The following DAB1 variants were observed in gnomAD, a reference collection of about 807,000 sequenced individuals.
The protein encoded by DAB1 is disabled homolog 1.
DAB1 carries 15 observed loss-of-function variants against 64.6 expected under a neutral mutation model. That is an observed-to-expected ratio of 0.23 (90% CI 0.16 to 0.36). DAB1 has a LOEUF of 0.36. Ranked by LOEUF, DAB1 falls within the 10% of genes least tolerant of loss-of-function variation. The pLI, the probability that DAB1 is intolerant of heterozygous loss-of-function variation, is 1.00. For synonymous variants in DAB1, 235 were observed against 251.9 expected, an observed-to-expected ratio of 0.93 and a Z score of 0.64; for missense variants, 596 against 706.7, an observed-to-expected ratio of 0.84 and a Z score of 1.78.
At chr1:57,347,532 A>G (rs1485584674) in intron 1 of DAB1, among the ~76,000 whole-genome samples, 1 of 152,156 alleles carries the variant, frequency 6.6e-6, no homozygotes, top group Non-Finnish European at 1.5e-5. Context: ...TATTCCAATG[A>G]TCCACTTTGG....
chr1:58,399,024 T>C (rs931485263), intron 3 of DAB1, among the ~76,000 whole-genome samples: 3 of 152,188 alleles, frequency 2.0e-5, no homozygotes, highest in Non-Finnish European at 2.9e-5. Flanking sequence ...CCACCACGGA[T>C]TGGGCTACAA....
At chr1:58,217,147 CA>C (rs1184559194) in intron 4 of DAB1, among the ~76,000 whole-genome samples, 1 of 152,158 alleles carries the variant, frequency 6.6e-6, no homozygotes, top group Non-Finnish European at 1.5e-5. Context: ...ATTAATTCCC[CA>C]AATAGCCCCA....
At chr1:58,541,634 A>AAAAAAAAAAAAAAAC (rs1646620911) in intron 1 of DAB1, 2 of 148,762 alleles carry the variant, frequency 1.3e-5, no homozygotes, top group Admixed American at 6.7e-5. Flanking sequence ...AAAAAAAAAA[A>AAAAAAAAAAAAAAAC]AAAAAAACCA....
At chr1:58,207,000 C>G (rs1041865787) in intron 4 of DAB1, among the ~76,000 whole-genome samples, 1 of 152,180 alleles carries the variant, frequency 6.6e-6, no homozygotes, top group East Asian at 1.9e-4. Context: ...CACATGAGAA[C>G]AAGCCTGGAC....
intron 4 of DAB1, among the ~76,000 whole-genome samples, chr1:58,187,139 G>A (rs1417716902): frequency 1.3e-5 from 2 of 152,050 alleles, no homozygotes; most frequent in African/African-American, 4.8e-5. Flanking sequence ...CATAGTCAGT[G>A]ATGGTGATGA....
At chr1:57,171,915 C>G (rs943046186) in intron 2 of DAB1, among the ~76,000 whole-genome samples, 2 of 152,190 alleles carry the variant, frequency 1.3e-5, no homozygotes, top group Non-Finnish European at 2.9e-5. Context: ...TGGCTTAAAA[C>G]ATCAGAAATG....
rs533680349 is a variant in DAB1, at chr1:58,024,283, A to G, written n.387+126228T>C. ...AATGAACTAATGCCATACAGTGGAA[A>G]GATCACAAAAGAAGCTCGGGGTTTG... On this transcript the variant is annotated intron_variant and non_coding_transcript_variant, in intron 5 of 20. Transcript: ENST00000485760. Among the ~76,000 whole-genome samples, 136 of 152,326 alleles carry G rather than the reference A, an allele frequency of 8.9e-4. 1 individual carries two copies. The highest frequency in any genetic ancestry group is 2.8e-3 in the African/African-American group (118 of 41,588).
At chr1:57,282,451 G>A (rs1404585004) in intron 2 of DAB1, among the ~76,000 whole-genome samples, 1 of 152,124 alleles carries the variant, frequency 6.6e-6, no homozygotes, top group African/African-American at 2.4e-5. Context: ...TACAGTACAA[G>A]TTCAAGGAGG....
intron 1 of DAB1, among the ~76,000 whole-genome samples, chr1:57,378,906 T>C (rs766420084): frequency 2.8e-4 from 43 of 152,294 alleles, no homozygotes; most frequent in Middle Eastern, 3.4e-3. Flanking sequence ...CTCCAAACAT[T>C]TCCTACCTTT....
intron 3 of DAB1, among the ~76,000 whole-genome samples, chr1:58,421,047 C>A (rs528069422): frequency 6.6e-6 from 1 of 152,264 alleles, no homozygotes; most frequent in African/African-American, 2.4e-5. Flanking sequence ...CTCTTATTTC[C>A]AGATCACACA....
At chr1:57,879,153 T>A (rs899218901) in intron 1 of DAB1, among the ~76,000 whole-genome samples, 4 of 152,168 alleles carry the variant, frequency 2.6e-5, no homozygotes, top group Non-Finnish European at 1.5e-5. Context: ...CATCTCTTCA[T>A]CTATGTCATT....
chr1:58,424,102 G>T (rs1206878969), intron 3 of DAB1, among the ~76,000 whole-genome samples: 1 of 152,174 alleles, frequency 6.6e-6, no homozygotes, highest in Non-Finnish European at 1.5e-5. Flanking sequence ...GAAGGGGGAG[G>T]GAGAGGCCTT....
chr1:58,045,321 C>T (rs1354238582), intron 5 of DAB1, among the ~76,000 whole-genome samples: 1 of 152,180 alleles, frequency 6.6e-6, no homozygotes, highest in Non-Finnish European at 1.5e-5. Flanking sequence ...TACTGCCATA[C>T]CGAGGGGGTA....
intron 6 of DAB1, among the ~76,000 whole-genome samples, chr1:57,720,647 G>A (rs973784320): frequency 3.3e-5 from 5 of 152,220 alleles, no homozygotes; most frequent in African/African-American, 1.2e-4. Context: ...GTGTTGTAGT[G>A]AGGCATAAGA....
chr1:57,417,934 C>T (rs1034991033), intron 1 of DAB1, among the ~76,000 whole-genome samples: 2 of 152,276 alleles, frequency 1.3e-5, no homozygotes, highest in East Asian at 3.9e-4. Flanking sequence ...CCTTCAAGAC[C>T]TAGGTGAAAT....
At chr1:57,249,219 A>C (rs76948157) in intron 2 of DAB1, among the ~76,000 whole-genome samples, 2 of 26,492 alleles carry the variant, frequency 7.5e-5, no homozygotes, top group Admixed American at 1.1e-3. Context: ...ATGTATAGAG[A>C]AAAAAATCCA....
intron 6 of DAB1, among the ~76,000 whole-genome samples, chr1:57,756,809 T>C (rs1648831512): frequency 6.6e-6 from 1 of 151,974 alleles, no homozygotes; most frequent in South Asian, 2.1e-4. Flanking sequence ...TAAAACAAGT[T>C]CAATAGGGTC....
chr1:57,319,956 C>T (rs1185872864), intron 1 of DAB1, among the ~76,000 whole-genome samples: 2 of 152,170 alleles, frequency 1.3e-5, no homozygotes, highest in Non-Finnish European at 2.9e-5. Flanking sequence ...AGCAATTAAT[C>T]TAAGGATGGC....
chr1:57,225,546 T>A (rs1290960144), intron 2 of DAB1, among the ~76,000 whole-genome samples: 3 of 152,144 alleles, frequency 2.0e-5, no homozygotes, highest in Non-Finnish European at 4.4e-5. Context: ...TCAATACAGC[T>A]TTTTTGAGGA....
Sources: gnomAD v4.1 joint callset for allele counts (sites outside exome capture counted in the v4.1 genomes callset) on GRCh38, gnomAD v4.1.1 for gene constraint, MANE v1.5 for transcripts, NCBI Gene and HGNC (gene_info 2026-07-23, HGNC 2026-07-21) for gene names.